The following UNC13A variants were observed in gnomAD, a reference collection of about 807,000 sequenced individuals.
UNC13A encodes unc-13 homolog A.
UNC13A carries 61 observed loss-of-function variants against 219.7 expected under a neutral mutation model. The observed-to-expected ratio is 0.28, with a 90% CI of 0.23 to 0.34. The LOEUF (loss-of-function observed/expected upper bound fraction) is 0.34. Among genes scored for constraint, UNC13A ranks in the 10% least tolerant of loss-of-function variants. UNC13A has a pLI of 1.00. For missense variants in UNC13A, 1,476 were observed against 2,270.3 expected (o/e 0.65, Z 7.11); for synonymous variants, 920 against 884.6 (o/e 1.04, Z -0.71).
chr19:17,685,791 G>A (rs982364764), intron 1 of UNC13A, among the ~76,000 whole-genome samples: 2 of 152,138 alleles, frequency 1.3e-5, no homozygotes, highest in African/African-American at 2.4e-5. Flanking sequence ...AATGTGTGTA[G>A]GGATTGGCAA....
At position 17,616,587 on chromosome 19, in the gene UNC13A, G is replaced by C. The variant is rs945453695; in HGVS notation, c.4558+1115C>G. On this transcript the variant is annotated intron_variant, in intron 41 of 43. Coordinates refer to ENST00000519716, the MANE Select transcript of UNC13A (RefSeq NM_001080421.3). ...GAGGGGGCAGGGGAGGCGCGGAGAG[G>C]GGACGGCGAGTGAGAGGGAGGAAAA... 4 of 514,942 alleles carry C rather than the reference G, an allele frequency of 7.8e-6. No homozygotes were observed. The Admixed American group carries it at 1.0e-4, about 13-fold the overall frequency. The allele number at this position is 514,942 out of a possible 1,614,324, so 31.9% of individuals were successfully genotyped here.
chr19:17,687,591 C>T (rs2080138403), intron 1 of UNC13A, among the ~76,000 whole-genome samples: 1 of 152,102 alleles, frequency 6.6e-6, no homozygotes, highest in African/African-American at 2.4e-5. Context: ...TGTCTCCACA[C>T]TCCCCCCACT....
intron 17 of UNC13A, 131 bp from the exon 18 acceptor site, chr19:17,646,242 G>A (rs1218300512): frequency 1.1e-5 from 14 of 1,266,784 alleles, no homozygotes; most frequent in East Asian, 2.5e-5. Flanking sequence ...GGCAGGGCAC[G>A]CTGGGCTTGC....
chr19:17,617,718 C>T lies in UNC13A; in HGVS notation c.4542G>A (p.Gln1514=). Residue 1514 remains glutamine, a synonymous_variant, in exon 41 of 44, where the codon CAG becomes CAA. Transcript: ENST00000519716. ...TACCCTTACCCTGGGCCGATTGCGTCTGTACAAAGGTCTTGATTAGCAGGT... is the reference window on the plus strand; with the variant it reads ...TACCCTTACCCTGGGCCGATTGCGTTTGTACAAAGGTCTTGATTAGCAGGT... ...ATDLLIKTFV[Q]TQSAQGLGVE... is the part of the protein sequence containing the mutation. 1 of 1,613,870 alleles carries T rather than the reference C, an allele frequency of 6.2e-7. No homozygotes were observed. Among genetic ancestry groups the T allele is most frequent in the Non-Finnish European group, 8.5e-7 (1 of 1,179,796 alleles).
At chr19:17,656,875 A>T (rs982559736) in intron 9 of UNC13A, among the ~76,000 whole-genome samples, 3 of 122,318 alleles carry the variant, frequency 2.5e-5, no homozygotes, top group African/African-American at 1.0e-4. Context: ...AAAAAAAAAA[A>T]AATTCCCACT....
intron 1 of UNC13A, among the ~76,000 whole-genome samples, chr19:17,684,611 A>G (rs140906970): frequency 1.1e-4 from 17 of 152,232 alleles, no homozygotes; most frequent in African/African-American, 3.6e-4. Context: ...TGAAGCGGGC[A>G]GAGATAAGGC....
At chr19:17,683,112 T>A (rs1216580707) in intron 1 of UNC13A, among the ~76,000 whole-genome samples, 21 of 152,004 alleles carry the variant, frequency 1.4e-4, no homozygotes, top group Admixed American at 1.4e-3. Flanking sequence ...GGGCAGAACA[T>A]CACTCCACAG....
intron 22 of UNC13A, among the ~76,000 whole-genome samples, 160 bp downstream of exon 22, chr19:17,640,351 C>T (rs535144030): frequency 3.3e-5 from 5 of 152,216 alleles, no homozygotes; most frequent in Middle Eastern, 3.4e-3. Context: ...CATTCTATAG[C>T]ATTCTACAGA....
chr19:17,652,848 C>T lies in UNC13A; in HGVS notation c.1393-171G>A, dbSNP rs150872730. Among the ~76,000 whole-genome samples the T allele has an allele frequency of 2.3e-3, 352 of 152,246 alleles. 6 individuals are homozygous for T. Among genetic ancestry groups the T allele is most frequent in the Admixed American group, 0.019 (283 of 15,296 alleles). The stretch of plus-strand genomic sequence containing the variant: ...TGGCTATCTCTGGGCCTTAGTTTGT[C>T]CATCTGTAAGATGGGCTGGGGGAGA... On this transcript the variant is annotated intron_variant, in intron 11 of 43. Coordinates refer to ENST00000519716, the MANE Select transcript of UNC13A (RefSeq NM_001080421.3).
intron 26 of UNC13A, 75 bp downstream of exon 26, chr19:17,635,949 G>T: frequency 6.7e-7 from 1 of 1,498,086 alleles, no homozygotes; most frequent in South Asian, 1.3e-5. Flanking sequence ...AAATCATCTT[G>T]ACACACAAGA....
chr19:17,668,101 C>G lies in UNC13A; in HGVS notation c.468+16G>C. 1 of 1,612,638 alleles carries G rather than the reference C, an allele frequency of 6.2e-7. No individual in the cohort carries two copies. Among genetic ancestry groups the G allele is most frequent in the Non-Finnish European group, 8.5e-7 (1 of 1,179,110 alleles). ...GAAACAAGGAAGAAACAGTCCCCTC[C>G]CACCCCAACACTCACTTCATCCTGG... On this transcript the variant is annotated intron_variant, in intron 6 of 43. Transcript: ENST00000519716.
chr19:17,631,182 CCT>C (rs1491068790), intron 28 of UNC13A, among the ~76,000 whole-genome samples: 416 of 12,730 alleles, frequency 0.033, 23 homozygotes, highest in African/African-American at 0.13. Flanking sequence ...TCCCTCCTTT[CCT>C]TCCTTCCCTC....
chr19:17,647,523 A>G (rs764240657), intron 16 of UNC13A, 31 bp from the exon 17 acceptor site: 1 of 1,599,358 alleles, frequency 6.3e-7, no homozygotes, highest in Non-Finnish European at 8.5e-7. Flanking sequence ...CGCTGACCCC[A>G]GCGCGCCCTG....
At chr19:17,678,206 C>T (rs868275776) in intron 1 of UNC13A, among the ~76,000 whole-genome samples, 17 of 152,186 alleles carry the variant, frequency 1.1e-4, no homozygotes, top group African/African-American at 3.1e-4. Flanking sequence ...TGGCCAGGCG[C>T]GGTGGCTCAT....
intron 39 of UNC13A, 67 bp from the exon 40 acceptor site, chr19:17,618,568 G>T: frequency 6.8e-7 from 1 of 1,480,494 alleles, no homozygotes; most frequent in Non-Finnish European, 9.2e-7. Context: ...GTGTCTATGG[G>T]TCTCATCCCT....
intron 11 of UNC13A, among the ~76,000 whole-genome samples, chr19:17,654,645 G>A (rs1343188214): frequency 6.6e-6 from 1 of 152,124 alleles, no homozygotes; most frequent in Non-Finnish European, 1.5e-5. Context: ...GCTTGCCCCT[G>A]ATGCTGATTG....
At chr19:17,634,359 G>C (rs1199372347) in intron 26 of UNC13A, among the ~76,000 whole-genome samples, 2 of 151,852 alleles carry the variant, frequency 1.3e-5, no homozygotes, top group Non-Finnish European at 2.9e-5. Context: ...TTTATTTAGA[G>C]ACGGAGTCTC....
Position 17,604,872 on chromosome 19 carries a change from TCA to T in UNC13A, c.*1180_*1181del, listed in dbSNP as rs2076504606. On this transcript the variant is annotated 3_prime_UTR_variant, in exon 44 of 44. Coordinates refer to ENST00000519716, the MANE Select transcript of UNC13A (RefSeq NM_001080421.3). Reference sequence around the variant, plus strand: ...CACTGTGTTTGTGTTTCTCTCTCTCTCATTCTCTTTCTCTCATTCTCTTTCTC... The same window carrying T: ...CACTGTGTTTGTGTTTCTCTCTCTCTTTCTCTTTCTCTCATTCTCTTTCTC... 1 of 152,226 alleles carries T rather than the reference TCA, an allele frequency of 6.6e-6. No individual in the cohort carries two copies. The highest frequency in any genetic ancestry group is 2.1e-4 in the South Asian group (1 of 4,816). 9.4% of individuals were successfully genotyped at this position (152,226 alleles called of 1,614,324 possible).
At chr19:17,635,914 A>T in intron 26 of UNC13A, 110 bp downstream of exon 26, 1 of 1,348,286 alleles carries the variant, frequency 7.4e-7, no homozygotes, top group African/African-American at 1.4e-5. Flanking sequence ...AATTACCCCC[A>T]GGTGCACATT....
Sources: gnomAD v4.1 joint callset for allele counts (sites outside exome capture counted in the v4.1 genomes callset) on GRCh38, gnomAD v4.1.1 for gene constraint, MANE v1.5 for transcripts, NCBI Gene and HGNC (gene_info 2026-07-23, HGNC 2026-07-21) for gene names.